ZFAND3: variants seen among roughly 807,000 people sequenced by gnomAD.
ZFAND3 encodes the protein zinc finger AN1-type containing 3.
A neutral mutation model predicts 29.6 loss-of-function variants in ZFAND3; 10 were observed. The ratio of observed to expected loss-of-function variants is 0.34; its 90% CI spans 0.21 to 0.57. ZFAND3 has a LOEUF of 0.57. Ranked by LOEUF, ZFAND3 falls within the 20% of genes least tolerant of loss-of-function variation. The pLI, the probability that ZFAND3 is intolerant of heterozygous loss-of-function variation, is 0.86. For synonymous variants in ZFAND3, 128 were observed against 112.6 expected, an observed-to-expected ratio of 1.14 and a Z score of -0.87; for missense variants, 230 against 304.5, an observed-to-expected ratio of 0.76 and a Z score of 1.82.
chr6:38,057,121 A>C (rs982261519), intron 2 of ZFAND3, among the ~76,000 whole-genome samples: 2 of 152,176 alleles, frequency 1.3e-5, no homozygotes, highest in Admixed American at 1.3e-4. Flanking sequence ...CATTTATATG[A>C]GAATTATAAA....
intron 1 of ZFAND3, among the ~76,000 whole-genome samples, chr6:37,838,313 T>C (rs1169131680): frequency 6.6e-6 from 1 of 152,256 alleles, no homozygotes. Flanking sequence ...TATTGAGATA[T>C]AATTCACCTA....
intron 3 of ZFAND3, among the ~76,000 whole-genome samples, chr6:38,068,102 A>T (rs910022487): frequency 6.6e-6 from 1 of 152,304 alleles, no homozygotes; most frequent in South Asian, 2.1e-4. Flanking sequence ...ACAGTCTTCT[A>T]AGCTCTGTGG....
At position 37,985,527 on chromosome 6, in the gene ZFAND3, A is replaced by ACACACACACCC. The variant is rs753070737; in HGVS notation, c.112+55529_112+55530insACACACACCCC. On this transcript the variant is annotated intron_variant, in intron 2 of 5. Transcript: ENST00000287218. ...CACACACACACACACACACACACAC[A>ACACACACACCC]CCCCCACACACGCCTGGTGGCACGT... Among the ~76,000 whole-genome samples, 50 of 141,656 alleles carry ACACACACACCC rather than the reference A, an allele frequency of 3.5e-4. 1 individual carries two copies. The highest frequency in any genetic ancestry group is 5.7e-4 in the Non-Finnish European group (36 of 63,124). 92.9% of individuals were successfully genotyped at this position (141,656 alleles called of 152,430 possible). A position where few individuals can be genotyped will look rare whatever the true frequency, so the allele number is the denominator to read the frequency against.
chr6:37,913,353 T>G (rs1581755959), intron 1 of ZFAND3, among the ~76,000 whole-genome samples: 1 of 152,234 alleles, frequency 6.6e-6, no homozygotes, highest in Admixed American at 6.5e-5. Flanking sequence ...ATTTCAACAG[T>G]GTTTACAACA....
chr6:37,915,122 G>A (rs979098567), intron 1 of ZFAND3, among the ~76,000 whole-genome samples: 1 of 152,082 alleles, frequency 6.6e-6, no homozygotes, highest in African/African-American at 2.4e-5. Flanking sequence ...TTATGGAGAT[G>A]GCTTCTTTTT....
intron 2 of ZFAND3, among the ~76,000 whole-genome samples, chr6:38,035,998 C>T (rs1429656821): frequency 6.6e-6 from 1 of 152,190 alleles, no homozygotes; most frequent in African/African-American, 2.4e-5. Context: ...ATTACCTCTC[C>T]CAGCTCCATG....
At chr6:38,086,508 T>C (rs980697867) in intron 4 of ZFAND3, among the ~76,000 whole-genome samples, 1 of 152,198 alleles carries the variant, frequency 6.6e-6, no homozygotes, top group Non-Finnish European at 1.5e-5. Flanking sequence ...TCTTCAGAGC[T>C]CAGAATGTTT....
At chr6:38,084,400 G>T (rs1289786729) in intron 4 of ZFAND3, among the ~76,000 whole-genome samples, 2 of 152,046 alleles carry the variant, frequency 1.3e-5, no homozygotes, top group Non-Finnish European at 2.9e-5. Flanking sequence ...AAATCTCTCA[G>T]GTTTGGTGTA....
intron 5 of ZFAND3, among the ~76,000 whole-genome samples, chr6:38,144,623 T>C (rs570608107): frequency 2.6e-5 from 4 of 152,324 alleles, no homozygotes; most frequent in African/African-American, 9.6e-5. Context: ...CCAAGGCTCA[T>C]CAGTATTTTT....
intron 1 of ZFAND3, among the ~76,000 whole-genome samples, chr6:37,854,054 C>G (rs184799984): frequency 1.2e-4 from 19 of 152,082 alleles, no homozygotes; most frequent in Admixed American, 6.5e-5. Flanking sequence ...TGGGTTCAAG[C>G]GATTCTCCTG....
chr6:38,062,953 G>C (rs1350680494), intron 3 of ZFAND3, among the ~76,000 whole-genome samples: 2 of 151,746 alleles, frequency 1.3e-5, no homozygotes, highest in African/African-American at 4.8e-5. Flanking sequence ...GCCAGGCGTG[G>C]TGGTGTGTGT....
intron 1 of ZFAND3, among the ~76,000 whole-genome samples, chr6:37,842,680 C>T (rs934891631): frequency 6.6e-6 from 1 of 152,182 alleles, no homozygotes; most frequent in Non-Finnish European, 1.5e-5. Flanking sequence ...TTGGAATTTA[C>T]TTAGATAACT....
chr6:38,006,748 C>CT (rs1763057495), intron 2 of ZFAND3, among the ~76,000 whole-genome samples: 1 of 147,956 alleles, frequency 6.8e-6, no homozygotes, highest in African/African-American at 2.5e-5. Flanking sequence ...CACAGGATGT[C>CT]TAAGTTCCAA....
chr6:38,047,542 A>G (rs1444126780), intron 2 of ZFAND3, among the ~76,000 whole-genome samples: 2 of 152,132 alleles, frequency 1.3e-5, no homozygotes, highest in African/African-American at 2.4e-5. Flanking sequence ...TGAATCCCAG[A>G]TTATTGTCCC....
intron 2 of ZFAND3, among the ~76,000 whole-genome samples, chr6:38,041,630 T>A (rs968845245): frequency 2.8e-4 from 19 of 68,226 alleles, no homozygotes; most frequent in African/African-American, 9.0e-4. Flanking sequence ...TTTATCTACT[T>A]TTTCTTCTTC....
At chr6:38,095,324 A>G (rs55878533) in intron 4 of ZFAND3, among the ~76,000 whole-genome samples, 10,162 of 152,240 alleles carry the variant, frequency 0.067, 407 homozygotes, top group Non-Finnish European at 0.087. Flanking sequence ...ATCCTTTATT[A>G]TATTCCATCA....
chr6:37,919,724 A>G (rs985277127), intron 1 of ZFAND3, among the ~76,000 whole-genome samples: 6 of 152,204 alleles, frequency 3.9e-5, no homozygotes, highest in Non-Finnish European at 5.9e-5. Flanking sequence ...GCCTTCTTCA[A>G]TGGCAGCTAC....
chr6:38,080,605 C>G (rs1278301467), intron 3 of ZFAND3, among the ~76,000 whole-genome samples: 1 of 152,152 alleles, frequency 6.6e-6, no homozygotes, highest in African/African-American at 2.4e-5. Flanking sequence ...CCGAGGATCA[C>G]TTATCCAAGA....
chr6:38,016,049 C>G (rs1377959896), intron 2 of ZFAND3, among the ~76,000 whole-genome samples: 2 of 152,158 alleles, frequency 1.3e-5, no homozygotes, highest in Admixed American at 1.3e-4. Context: ...CCAGTGGTAA[C>G]ATAGAACAGC....
Sources: allele counts gnomAD v4.1 joint callset (sites outside exome capture counted in the v4.1 genomes callset), GRCh38; gene constraint gnomAD v4.1.1; transcripts MANE v1.5; gene names NCBI Gene and HGNC (gene_info 2026-07-23, HGNC 2026-07-21).